Variants in IRS2 observed in about 807,000 individuals in gnomAD.
The protein encoded by IRS2 is insulin receptor substrate 2.
Under a neutral mutation model 70.9 loss-of-function variants are expected in IRS2, and 28 were observed. The ratio of observed to expected loss-of-function variants is 0.39; its 90% confidence interval spans 0.29 to 0.54. The LOEUF (loss-of-function observed/expected upper bound fraction) is 0.54, where lower values mean the gene tolerates loss of function less well. IRS2 is among the 20% of genes least tolerant of loss of function. IRS2 has a pLI of 0.59. For missense variants in IRS2, 2,081 were observed against 2,024.1 expected, an observed-to-expected ratio of 1.03 and a Z score of -0.54; for synonymous variants, 1,217 against 981.9, an observed-to-expected ratio of 1.24 and a Z score of -4.48.
At position 109,782,409 on chromosome 13, in the gene IRS2, C is replaced by T. The variant is rs1353690048; in HGVS notation, c.3645G>A (p.Pro1215=). 1.2e-6 allele frequency: 2 copies of T among 1,602,630 alleles called. No individual in the cohort carries two copies. Among genetic ancestry groups the T allele is most frequent in the Non-Finnish European group, 1.7e-6 (2 of 1,174,896 alleles). Residue 1215 remains proline, a synonymous_variant, in exon 1 of 2, where the codon CCG becomes CCA. Transcript: ENST00000375856. ...GACCCGGGGTCCACGGCCGGCCCTG[C>T]GGTGCCAAAGGGGGCGCCGGCTGCA... ...RQLQPAPPLA[P]QGRPWTPGQP... is the part of the protein sequence containing the mutation.
intron 1 of IRS2, among the ~76,000 whole-genome samples, chr13:109,773,674 A>G (rs1318716715): frequency 6.6e-6 from 1 of 152,212 alleles, no homozygotes; most frequent in African/African-American, 2.4e-5. Context: ...CATAGTCATG[A>G]ACAGCCATAT....
At position 109,785,193 on chromosome 13, in the gene IRS2, G is replaced by T. The variant is rs751575384; in HGVS notation, c.861C>A (p.Ile287=). ...CCTTGAGCGCCTTCATGGCCTCCAGGATGGTCTCGTGGATGTTCTGCGCCA... is the reference window on the plus strand; with the variant it reads ...CCTTGAGCGCCTTCATGGCCTCCAGTATGGTCTCGTGGATGTTCTGCGCCA... ...SVVAQNIHET[I]LEAMKALKEL... is the part of the protein sequence containing the mutation. Residue 287 remains isoleucine, a synonymous_variant, in exon 1 of 2, where the codon ATC becomes ATA. Coordinates refer to ENST00000375856, the MANE Select transcript of IRS2 (RefSeq NM_003749.3). This position sits in a 1 kb window ranked among gnomAD's most constrained non-coding sequence, Gnocchi z 9.3. The T allele has an allele frequency of 6.2e-7, 1 of 1,603,490 alleles. No individual in the cohort carries two copies. Among genetic ancestry groups the T allele is most frequent in the East Asian group, 2.3e-5 (1 of 44,292 alleles).
At chr13:109,773,783 A>C (rs1306500582) in intron 1 of IRS2, among the ~76,000 whole-genome samples, 1 of 152,250 alleles carries the variant, frequency 6.6e-6, no homozygotes, top group African/African-American at 2.4e-5. Flanking sequence ...AAAGTTACTA[A>C]AATGTTCCAA....
chr13:109,768,061 A>G (rs971542364), intron 1 of IRS2, among the ~76,000 whole-genome samples: 1 of 152,134 alleles, frequency 6.6e-6, no homozygotes, highest in African/African-American at 2.4e-5. Context: ...TTCTAGTTAC[A>G]TGATTTTGTA....
At chr13:109,772,474 A>G (rs1877474454) in intron 1 of IRS2, among the ~76,000 whole-genome samples, 1 of 152,086 alleles carries the variant, frequency 6.6e-6, no homozygotes, top group South Asian at 2.1e-4. Flanking sequence ...AAGGTCCGTA[A>G]CTCCATTCGC....
chr13:109,778,892 ATAAAGT>A (rs1483482777), intron 1 of IRS2, among the ~76,000 whole-genome samples: 2 of 152,234 alleles, frequency 1.3e-5, no homozygotes, highest in Non-Finnish European at 2.9e-5. Flanking sequence ...ACAAAAACAT[ATAAAGT>A]TAATTTTAAA....
chr13:109,761,298 C>A (rs1028145429), intron 1 of IRS2, among the ~76,000 whole-genome samples: 2 of 152,224 alleles, frequency 1.3e-5, no homozygotes, highest in African/African-American at 4.8e-5. Context: ...TCAGCCATAG[C>A]TGAATTAGGA....
At chr13:109,770,801 C>T (rs1023528002) in intron 1 of IRS2, among the ~76,000 whole-genome samples, 5 of 152,190 alleles carry the variant, frequency 3.3e-5, no homozygotes, top group South Asian at 2.1e-4. Flanking sequence ...TGCTGACACA[C>T]GCTGAACTCT....
At position 109,783,879 on chromosome 13, in the gene IRS2, GC is replaced by G. The variant is rs1394911868; in HGVS notation, c.2174del (p.Gly725AlafsTer102). 6.5e-7 allele frequency: 1 copy of G among 1,549,180 alleles called. No individual in the cohort carries two copies. On this transcript the variant is annotated frameshift_variant, in exon 1 of 2. Transcript: ENST00000375856. LOFTEE classifies it high-confidence loss of function. ...AAGRTFPASGGGYKASSPAES... is the reference protein window; with the variant it reads ...AAGRTFPASGXGYKASSPAES... ...CGGCGGGCGAGCTGGCCTTGTAGCCGCCCCCGCTCGCCGGGAATGTCCTGCC... is the reference window on the plus strand; with the variant it reads ...CGGCGGGCGAGCTGGCCTTGTAGCCGCCCCGCTCGCCGGGAATGTCCTGCC...
Position 109,784,759 on chromosome 13 carries a change from G to C in IRS2, c.1295C>G (p.Ser432Cys). 1 of 1,245,402 alleles carries C rather than the reference G, an allele frequency of 8.0e-7. No individual in the cohort carries two copies. The allele number at this position is 1,245,402 out of a possible 1,614,324, so 77.1% of individuals were successfully genotyped here. A position where few individuals can be genotyped will look rare whatever the true frequency, so the allele number is the denominator to read the frequency against. Residue 432 changes from serine to cysteine, a missense_variant, in exon 1 of 2, where the codon TCC becomes TGC. Physicochemically the swap from Ser to Cys is moderately radical, Grantham distance 112. Transcript: ENST00000375856. This position sits in a 1 kb window ranked among gnomAD's most constrained non-coding sequence, Gnocchi z 5.2. ...GGGCGGCGAGTGCGCCACGGGCATGGACATGGAGCGGCTGTGTTGCAGCGC... is the reference window on the plus strand; with the variant it reads ...GGGCGGCGAGTGCGCCACGGGCATGCACATGGAGCGGCTGTGTTGCAGCGC... ...GGALQHSRSM[S>C]MPVAHSPPAA...
chr13:109,769,861 AAC>A (rs1314490201), intron 1 of IRS2, among the ~76,000 whole-genome samples: 1 of 152,248 alleles, frequency 6.6e-6, no homozygotes, highest in African/African-American at 2.4e-5. Flanking sequence ...GCAGAAATTT[AAC>A]AGTTTGAATA....
At position 109,753,320 on chromosome 13, in the gene IRS2, G is replaced by C. The variant is rs1877033055; in HGVS notation, c.*2984C>G. 6.6e-6 allele frequency: 1 copy of C among 152,336 alleles called. No homozygotes were observed. Among genetic ancestry groups the C allele is most frequent in the African/African-American group, 2.4e-5 (1 of 41,434 alleles). 9.4% of individuals were successfully genotyped at this position (152,336 alleles called of 1,614,324 possible). A position where few individuals can be genotyped will look rare whatever the true frequency, so the allele number is the denominator to read the frequency against. ...CTTCTGTGTGCATGTCATGGAGGGA[G>C]CATTCTTGATGTACACGTTGGTGTA... On this transcript the variant is annotated 3_prime_UTR_variant, in exon 2 of 2. Transcript: ENST00000375856.
At position 109,782,239 on chromosome 13, in the gene IRS2, G is replaced by C. The variant is rs1566411917; in HGVS notation, c.3815C>G (p.Pro1272Arg). The C allele has an allele frequency of 6.2e-7, 1 of 1,607,676 alleles. No individual in the cohort carries two copies. ...PGLPPQPQPPPPPLPQPGDKS... is the reference protein window; with the variant it reads ...PGLPPQPQPPRPPLPQPGDKS... ...GTCTCCCGGCTGAGGAAGCGGCGGC[G>C]GCGGCGGCTGCGGCTGGGGTGGCAG... is the stretch of plus-strand genomic sequence containing the variant. Residue 1272 changes from proline (P) to arginine (R), a missense_variant, in exon 1 of 2, where the codon CCG (proline) becomes CGG (arginine). By Grantham distance (103) the Pro-to-Arg change is moderately radical. Transcript: ENST00000375856.
Position 109,782,544 on chromosome 13 carries a change from C to T in IRS2, c.3510G>A (p.Lys1170=). Residue 1170 remains lysine (K), a synonymous_variant, in exon 1 of 2, where the codon AAG becomes AAA. Coordinates refer to ENST00000375856, the MANE Select transcript of IRS2 (RefSeq NM_003749.3). ...TTTCCACGGAGGCCGAGTTGTGGCG[C>T]TTGGGGTTGTGGGCGAAGGACGGGG... The part of the protein sequence containing the change: ...PVSPSFAHNP[K]RHNSASVENV... 1 of 1,561,176 alleles carries T rather than the reference C, an allele frequency of 6.4e-7. No homozygotes were observed. Among genetic ancestry groups the T allele is most frequent in the Non-Finnish European group, 8.7e-7 (1 of 1,152,880 alleles).
In IRS2 at chr13:109,782,896, G is replaced by T; in HGVS notation, c.3158C>A (p.Ala1053Asp). The T allele has an allele frequency of 6.4e-7, 1 of 1,555,628 alleles. No homozygotes were observed. Among genetic ancestry groups the T allele is most frequent in the Non-Finnish European group, 8.7e-7 (1 of 1,150,090 alleles). Residue 1053 changes from alanine (A) to aspartate (D), a missense_variant, in exon 1 of 2, where the codon GCC becomes GAC. Around this residue, in one of 4 missense-constraint regions of IRS2, gnomAD observed 1,615 missense variants for 1,459.5 expected, o/e 1.11. Transcript: ENST00000375856. The stretch of plus-strand genomic sequence containing the variant: ...CGATGAGGCGGCGCCCGGGCCCTGG[G>T]CGGTGGCAACGGCCGAGGCGGGGGG... Reference protein sequence around the residue: ...RLPPASAVATAQGPGAASSLS... With the variant: ...RLPPASAVATDQGPGAASSLS...
intron 1 of IRS2, among the ~76,000 whole-genome samples, chr13:109,781,756 C>CA (rs1490105239): frequency 6.6e-6 from 1 of 152,144 alleles, no homozygotes. Flanking sequence ...TGTTAAGGGA[C>CA]AGGGGGCTGT....
Position 109,784,702 on chromosome 13 carries a change from C to T in IRS2, c.1352G>A (p.Ser451Asn), listed in dbSNP as rs2138936607. The T allele has an allele frequency of 8.1e-7, 1 of 1,232,754 alleles. No individual in the cohort carries two copies. The highest frequency in any genetic ancestry group is 1.0e-6 in the Non-Finnish European group (1 of 990,102). 76.4% of individuals were successfully genotyped at this position (1,232,754 alleles called of 1,614,324 possible). Residue 451 changes from serine (S) to asparagine (N), a missense_variant, in exon 1 of 2, where the codon AGC (serine) becomes AAC (asparagine). By Grantham distance (46) the Ser-to-Asn change is conservative. This residue lies in a region of IRS2 where 1,615 missense variants were observed against 1,459.5 expected (regional missense o/e 1.11). Transcript: ENST00000375856. The surrounding 1 kb of genome is among the most constrained non-coding windows in gnomAD (Gnocchi z 5.2). ...AATSPGSLSS[S>N]SGHGSGSYPP... ...GTAGGAGCCCGAGCCGTGGCCGCTG[C>T]TGGACGACAGGGAGCCGGGGCTGGT...
At chr13:109,756,576 G>A (rs531067111) in intron 1 of IRS2, among the ~76,000 whole-genome samples, 147 of 152,230 alleles carry the variant, frequency 9.7e-4, no homozygotes, top group Non-Finnish European at 1.6e-3. Context: ...AAAAATATTC[G>A]CATGTGTTTT....
At chr13:109,769,411 T>C (rs1460703829) in intron 1 of IRS2, among the ~76,000 whole-genome samples, 4 of 152,226 alleles carry the variant, frequency 2.6e-5, no homozygotes, top group Non-Finnish European at 5.9e-5. Context: ...CCTTTGAGCC[T>C]TAGCTCTCCA....
Sources: gnomAD v4.1 joint callset for allele counts (sites outside exome capture counted in the v4.1 genomes callset) on GRCh38, gnomAD v4.1.1 for gene constraint, gnomAD v4.1.1 regional missense constraint, Gnocchi (gnomAD v3.1) non-coding constraint, MANE v1.5 for transcripts, NCBI Gene and HGNC (gene_info 2026-07-23, HGNC 2026-07-21) for gene names.